The following LINGO1 variants were observed in gnomAD, a reference collection of about 807,000 sequenced individuals.
LINGO1 encodes the protein leucine-rich repeat and immunoglobulin-like domain-containing nogo receptor-interacting protein 1.
In LINGO1, 11 loss-of-function variants were observed where a neutral mutation model predicts 37.3. The observed-to-expected ratio is 0.29, with a 90% confidence interval of 0.19 to 0.49. The LOEUF (loss-of-function observed/expected upper bound fraction) is 0.49, where lower values mean the gene tolerates loss of function less well. Among genes scored for constraint, LINGO1 ranks in the 20% least tolerant of loss-of-function variants. The probability of loss-of-function intolerance (pLI) is 0.99; values close to 1 mark genes in which losing one functional copy is unlikely to be tolerated. For missense variants in LINGO1, 585 were observed against 878.2 expected (o/e 0.67, Z 4.22); for synonymous variants, 387 against 403.0 (o/e 0.96, Z 0.48).
intron 2 of LINGO1, among the ~76,000 whole-genome samples, chr15:77,725,565 A>T (rs1164453774): frequency 1.3e-5 from 2 of 152,128 alleles, no homozygotes; most frequent in Non-Finnish European, 2.9e-5. Context: ...CCTGTCTCCA[A>T]ATAAATAAAT....
intron 1 of LINGO1, among the ~76,000 whole-genome samples, chr15:77,759,376 C>T (rs1211749726): frequency 1.3e-5 from 2 of 152,194 alleles, no homozygotes; most frequent in Non-Finnish European, 2.9e-5. Context: ...AGGCCAGGGG[C>T]CCGCAACGCC....
intron 1 of LINGO1, among the ~76,000 whole-genome samples, chr15:77,811,456 T>C (rs992741205): frequency 2.6e-5 from 4 of 151,656 alleles, no homozygotes; most frequent in East Asian, 1.9e-4. Flanking sequence ...GTCTGCCCAA[T>C]CCTGGGCTAC....
At chr15:77,644,941 C>G (rs1338758644) in intron 3 of LINGO1, among the ~76,000 whole-genome samples, 1 of 152,142 alleles carries the variant, frequency 6.6e-6, no homozygotes, top group Non-Finnish European at 1.5e-5. Context: ...TAGAAGGCCC[C>G]AGACGATAGG....
At chr15:77,668,435 CCTG>C (rs1216461195) in intron 3 of LINGO1, among the ~76,000 whole-genome samples, 7 of 152,180 alleles carry the variant, frequency 4.6e-5, no homozygotes, top group Non-Finnish European at 8.8e-5. Context: ...CACCCTAAAA[CCTG>C]CATGTAATGC....
intron 1 of LINGO1, among the ~76,000 whole-genome samples, chr15:77,620,015 C>T (rs2073869496): frequency 6.6e-6 from 1 of 152,208 alleles, no homozygotes; most frequent in South Asian, 2.1e-4. Flanking sequence ...TCCTGGTCTC[C>T]CACCCCCATG....
rs28542326 is a variant in LINGO1 at position 77,726,682 on chromosome 15, T to A, written c.-195+8310A>T. On this transcript the variant is annotated intron_variant, in intron 2 of 3. Transcript: ENST00000561686. ...GGGGAGAAGCTTCATGACATTGGAT[T>A]TGGCAATGATTTCTTGGACATGACA... is the stretch of plus-strand genomic sequence containing the variant. Among the ~76,000 whole-genome samples the A allele has an allele frequency of 7.4e-3, 1,123 of 152,316 alleles. 16 individuals carry two copies. The highest frequency in any genetic ancestry group is 0.026 in the African/African-American group (1,065 of 41,570).
upstream of LINGO1, among the ~76,000 whole-genome samples, chr15:77,700,597 G>A (rs919190264): frequency 6.6e-6 from 1 of 152,188 alleles, no homozygotes; most frequent in African/African-American, 2.4e-5. Flanking sequence ...TGGGGCCCGA[G>A]CCTTGGGCCA....
At chr15:77,728,711 T>C (rs2076126917) in intron 2 of LINGO1, among the ~76,000 whole-genome samples, 1 of 152,236 alleles carries the variant, frequency 6.6e-6, no homozygotes, top group Non-Finnish European at 1.5e-5. Flanking sequence ...AGACAAATGC[T>C]TGGAATGTAG....
At chr15:77,782,020 G>A (rs897104113) in intron 1 of LINGO1, among the ~76,000 whole-genome samples, 5 of 152,300 alleles carry the variant, frequency 3.3e-5, no homozygotes, top group Non-Finnish European at 5.9e-5. Context: ...ATCAACAAGC[G>A]TTCCAGAATT....
At chr15:77,812,051 T>C (rs557761793) in intron 1 of LINGO1, among the ~76,000 whole-genome samples, 4 of 152,316 alleles carry the variant, frequency 2.6e-5, no homozygotes, top group African/African-American at 4.8e-5. Flanking sequence ...TGAAGTAGGT[T>C]AAACATCCCC....
In LINGO1 at chr15:77,807,861, G is replaced by GA. The variant is rs1260082096; in HGVS notation, c.-457-11809dup. Among the ~76,000 whole-genome samples the GA allele has an allele frequency of 8.5e-5, 13 of 152,152 alleles. No individual in the cohort carries two copies. In the South Asian group the frequency reaches 2.3e-3, roughly 27 times the overall value. On this transcript the variant is annotated intron_variant, in intron 1 of 5. Coordinates refer to the LINGO1 transcript ENST00000562933. ...CAGCGTTCGTTTGTATCAAGCAAAA[G>GA]AAAAAAGGCGTTAAGAGCAGCAACT...
chr15:77,641,686 C>T (rs910857098), intron 3 of LINGO1: 3 of 365,962 alleles, frequency 8.2e-6, no homozygotes, highest in African/African-American at 6.4e-5. Flanking sequence ...GGCCCCACAC[C>T]CCGTCTCCCA....
chr15:77,735,379 A>G (rs1253948550), intron 1 of LINGO1, among the ~76,000 whole-genome samples: 1 of 152,240 alleles, frequency 6.6e-6, no homozygotes, highest in Non-Finnish European at 1.5e-5. Context: ...ACCTGTGTGC[A>G]GCGGAAGCCA....
At chr15:77,723,485 C>T (rs778345484) in intron 2 of LINGO1, among the ~76,000 whole-genome samples, 3 of 152,178 alleles carry the variant, frequency 2.0e-5, no homozygotes, top group Admixed American at 6.5e-5. Flanking sequence ...CTGACGTGCC[C>T]GGCACGTGTC....
At chr15:77,738,539 C>A (rs542314010) in intron 1 of LINGO1, among the ~76,000 whole-genome samples, 1 of 152,306 alleles carries the variant, frequency 6.6e-6, no homozygotes, top group African/African-American at 2.4e-5. Context: ...GCCCACCATG[C>A]ACCCCAGTCT....
At chr15:77,633,599 C>T (rs1427192538), upstream of LINGO1, among the ~76,000 whole-genome samples, 1 of 152,216 alleles carries the variant, frequency 6.6e-6, no homozygotes, top group Non-Finnish European at 1.5e-5. Flanking sequence ...CCCAGCCTGG[C>T]TTCCTGTCCA....
At chr15:77,645,858 C>A (rs1446379644) in intron 3 of LINGO1, among the ~76,000 whole-genome samples, 2 of 152,236 alleles carry the variant, frequency 1.3e-5, no homozygotes, top group Non-Finnish European at 2.9e-5. Context: ...GCCTCACTCA[C>A]GAAGGGGACA....
chr15:77,660,400 T>C (rs1190585003), intron 3 of LINGO1, among the ~76,000 whole-genome samples: 1 of 152,166 alleles, frequency 6.6e-6, no homozygotes, highest in Non-Finnish European at 1.5e-5. Flanking sequence ...GGAGGGTGCC[T>C]GGCCTGAAGC....
intron 1 of LINGO1, among the ~76,000 whole-genome samples, chr15:77,812,096 G>A (rs745982473): frequency 3.3e-5 from 5 of 152,270 alleles, no homozygotes; most frequent in East Asian, 3.9e-4. Context: ...CCTAGAAATC[G>A]CTTTTCACAA....
Sources: allele counts gnomAD v4.1 joint callset (sites outside exome capture counted in the v4.1 genomes callset), GRCh38; gene constraint gnomAD v4.1.1; transcripts MANE v1.5; gene names NCBI Gene and HGNC (gene_info 2026-07-23, HGNC 2026-07-21).